ADAMTSL1: variants seen among roughly 807,000 people sequenced by gnomAD.
ADAMTSL1 encodes the protein ADAMTS-like protein 1.
In ADAMTSL1, 126 loss-of-function variants were observed where a neutral mutation model predicts 201.8. The observed-to-expected ratio is 0.62, with a 90% CI of 0.54 to 0.72. The LOEUF is 0.72. ADAMTSL1 is among the 30% of genes least tolerant of loss of function. The pLI is 0.00. For missense variants in ADAMTSL1, 2,679 were observed against 2,277.8 expected (o/e 1.18, Z -3.59); for synonymous variants, 1,121 against 903.4 (o/e 1.24, Z -4.32).
chr9:18,662,559 A>G (rs1829168127), intron 9 of ADAMTSL1, among the ~76,000 whole-genome samples: 1 of 152,164 alleles, frequency 6.6e-6, no homozygotes. Context: ...CAAGCCTTAG[A>G]ACAGTTCTGC....
In ADAMTSL1 at chr9:18,908,298, G is replaced by A. The variant is rs796696863; in HGVS notation, c.5183-144G>A. On this transcript the variant is annotated intron_variant, in intron 28 of 28. Coordinates refer to ENST00000380548, the MANE Select transcript of ADAMTSL1 (RefSeq NM_001040272.6). The stretch of plus-strand genomic sequence containing the variant: ...AGTGGCTGAGCTCTGTCAAAGTTAG[G>A]CTGGAGAGCGGTGGCCAAGGCAGAC... The A allele has an allele frequency of 4.0e-5, 28 of 698,326 alleles. No individual in the cohort carries two copies. In the African/African-American group the frequency reaches 4.7e-4, roughly 12 times the overall value. 43.3% of individuals were successfully genotyped at this position (698,326 alleles called of 1,614,324 possible).
rs1427591203 is a variant in ADAMTSL1, at chr9:18,680,296, C to T, written c.1137-16C>T. The T allele has an allele frequency of 6.2e-6, 10 of 1,612,716 alleles. No homozygotes were observed. Among genetic ancestry groups the T allele is most frequent in the Non-Finnish European group, 8.5e-6 (10 of 1,179,458 alleles). Reference sequence around the variant, plus strand: ...AATGTGCATGTCTGCCCTGATGACTCCCCTTGCTTCTGTAGGTGGGAGGCC... The same window carrying T: ...AATGTGCATGTCTGCCCTGATGACTTCCCTTGCTTCTGTAGGTGGGAGGCC... On this transcript the variant is annotated splice_polypyrimidine_tract_variant and intron_variant, in intron 10 of 28. Coordinates refer to ENST00000380548, the MANE Select transcript of ADAMTSL1 (RefSeq NM_001040272.6).
intron 1 of ADAMTSL1, among the ~76,000 whole-genome samples, chr9:18,055,396 T>G (rs989822659): frequency 6.6e-6 from 1 of 152,190 alleles, no homozygotes; most frequent in Non-Finnish European, 1.5e-5. Flanking sequence ...TCAAAGGAAG[T>G]GTGTAGAAGT....
At chr9:18,583,023 C>G (rs1823216126) in intron 4 of ADAMTSL1, among the ~76,000 whole-genome samples, 1 of 152,112 alleles carries the variant, frequency 6.6e-6, no homozygotes, top group East Asian at 1.9e-4. Flanking sequence ...AACTGTAAGT[C>G]TAATAAACCT....
intron 21 of ADAMTSL1, 107 bp from the exon 22 acceptor site, chr9:18,826,177 G>C (rs199972099): frequency 3.7e-6 from 5 of 1,348,882 alleles, no homozygotes; most frequent in Non-Finnish European, 5.2e-6. Context: ...TGTCCCTGTA[G>C]AGCAGCCCCA....
intron 4 of ADAMTSL1, among the ~76,000 whole-genome samples, chr9:18,583,893 C>G (rs1013670296): frequency 6.6e-6 from 1 of 152,180 alleles, no homozygotes; most frequent in Non-Finnish European, 1.5e-5. Flanking sequence ...GCTGTATTTA[C>G]CAAATGCCTG....
At chr9:18,278,415 C>T (rs1490404744) in intron 2 of ADAMTSL1, among the ~76,000 whole-genome samples, 1 of 152,112 alleles carries the variant, frequency 6.6e-6, no homozygotes, top group African/African-American at 2.4e-5. Flanking sequence ...AATAGCCTTG[C>T]CTGGTACAGT....
At chr9:18,620,756 C>A (rs1750204728) in intron 4 of ADAMTSL1, among the ~76,000 whole-genome samples, 1 of 152,080 alleles carries the variant, frequency 6.6e-6, no homozygotes, top group African/African-American at 2.4e-5. Context: ...CTGCCTTTGT[C>A]CCTGACTTTA....
At chr9:18,595,424 T>A (rs991193372) in intron 4 of ADAMTSL1, among the ~76,000 whole-genome samples, 2 of 152,174 alleles carry the variant, frequency 1.3e-5, no homozygotes, top group African/African-American at 4.8e-5. Flanking sequence ...CCCCTTGAGA[T>A]CTGCTATGGG....
intron 2 of ADAMTSL1, among the ~76,000 whole-genome samples, chr9:18,251,187 G>C (rs1831451757): frequency 6.6e-6 from 1 of 152,074 alleles, no homozygotes; most frequent in Non-Finnish European, 1.5e-5. Context: ...AAAATTAAGA[G>C]GCAGAAGTTG....
intron 22 of ADAMTSL1, among the ~76,000 whole-genome samples, chr9:18,829,571 G>C (rs10963787): frequency 0.11 from 17,096 of 152,186 alleles, 1,180 homozygotes; most frequent in Middle Eastern, 0.22. Flanking sequence ...GGTACCCAGT[G>C]ATCTAAAGTG....
intron 1 of ADAMTSL1, among the ~76,000 whole-genome samples, chr9:17,916,878 G>A (rs544133695): frequency 3.3e-5 from 5 of 152,128 alleles, no homozygotes; most frequent in East Asian, 3.9e-4. Context: ...GAGAATTGTC[G>A]TTTTACTAAT....
chr9:18,838,389 ACACACACACACAC>A (rs1563844489), intron 23 of ADAMTSL1, among the ~76,000 whole-genome samples: 18 of 147,764 alleles, frequency 1.2e-4, no homozygotes, highest in Non-Finnish European at 2.0e-4. Context: ...ACACACACAC[ACACACACACACAC>A]GCAAAAACCT....
At chr9:18,301,044 T>C (rs1233681005) in intron 2 of ADAMTSL1, among the ~76,000 whole-genome samples, 2 of 152,126 alleles carry the variant, frequency 1.3e-5, no homozygotes, top group Non-Finnish European at 2.9e-5. Flanking sequence ...ACTACTTAAC[T>C]CCACAGTAAA....
intron 19 of ADAMTSL1, among the ~76,000 whole-genome samples, chr9:18,794,633 T>G (rs72690572): frequency 0.18 from 21,064 of 114,884 alleles, 1,807 homozygotes; most frequent in Non-Finnish European, 0.25. Flanking sequence ...GTTGTTTTTT[T>G]TTGTTGTTGT....
intron 20 of ADAMTSL1, among the ~76,000 whole-genome samples, chr9:18,810,831 A>T (rs1300008676): frequency 6.6e-6 from 1 of 152,122 alleles, no homozygotes; most frequent in Non-Finnish European, 1.5e-5. Flanking sequence ...GCTAAGTACC[A>T]CTAAAGGCCC....
intron 1 of ADAMTSL1, among the ~76,000 whole-genome samples, chr9:17,972,990 C>A (rs912671248): frequency 2.0e-5 from 3 of 148,752 alleles, no homozygotes; most frequent in African/African-American, 7.4e-5. Context: ...TCATATCCTT[C>A]ACCCACTTTT....
Position 18,466,529 on chromosome 9 carries a change from A to G in ADAMTSL1, c.208-38300A>G, listed in dbSNP as rs147652072. 7.6e-3 allele frequency among the ~76,000 whole-genome samples: 1,161 copies of G among 152,326 alleles called. 10 individuals carry two copies. The highest frequency in any genetic ancestry group is 0.012 in the African/African-American group (514 of 41,588). On this transcript the variant is annotated intron_variant, in intron 2 of 29. Coordinates refer to the ADAMTSL1 transcript ENST00000680146. ...AATAAACCACAAAAAAATCATAAGT[A>G]TATGAGGTAATGCATAAGTTAATTA... is the stretch of plus-strand genomic sequence containing the variant.
intron 1 of ADAMTSL1, among the ~76,000 whole-genome samples, chr9:18,127,447 G>T (rs1047840582): frequency 6.8e-6 from 1 of 146,454 alleles, no homozygotes. Context: ...GTGTGGATCT[G>T]TGTGTGGGGT....
Sources: gnomAD v4.1 joint callset for allele counts (sites outside exome capture counted in the v4.1 genomes callset) on GRCh38, gnomAD v4.1.1 for gene constraint, MANE v1.5 for transcripts, NCBI Gene and HGNC (gene_info 2026-07-23, HGNC 2026-07-21) for gene names.